The following TLL1 variants were observed in gnomAD, a reference collection of about 807,000 sequenced individuals.
TLL1 encodes tolloid-like protein 1.
TLL1 carries 49 observed loss-of-function variants against 128.2 expected under a neutral mutation model. The ratio of observed to expected loss-of-function variants is 0.38; its 90% CI spans 0.30 to 0.48. The LOEUF (loss-of-function observed/expected upper bound fraction) is 0.48. Among genes scored for constraint, TLL1 ranks in the 20% least tolerant of loss-of-function variants. TLL1 has a pLI of 0.96. For synonymous variants in TLL1, 454 were observed against 418.8 expected, an observed-to-expected ratio of 1.08 and a Z score of -1.03; for missense variants, 1,123 against 1,242.0, an observed-to-expected ratio of 0.90 and a Z score of 1.44.
intron 15 of TLL1, 61 bp downstream of exon 15, chr4:166,060,249 G>T (rs900680739): frequency 3.9e-5 from 58 of 1,500,820 alleles, no homozygotes; most frequent in Non-Finnish European, 5.1e-5. Flanking sequence ...AAGGCAAACT[G>T]TGAAATTAAA....
At chr4:165,976,034 CAAA>C (rs1169297533) in intron 1 of TLL1, among the ~76,000 whole-genome samples, 1,059 of 71,992 alleles carry the variant, frequency 0.015, 6 homozygotes, top group African/African-American at 0.048. Flanking sequence ...GATTCCATCT[CAAA>C]AAAAAAAAAA....
chr4:166,003,559 C>T lies in TLL1; in HGVS notation c.801C>T (p.Asn267=). ...RDNHVTIIRE[N]IQPGQEYNFL... is the part of the protein sequence containing the mutation. ...ACCACGTAACTATCATAAGAGAAAA[C>T]ATCCAGCCAGGTGAGAGGCATAGAA... Residue 267 remains asparagine (N), a synonymous_variant, in exon 6 of 21, where the codon AAC becomes AAT. Coordinates refer to ENST00000061240, the MANE Select transcript of TLL1 (RefSeq NM_012464.5). The T allele has an allele frequency of 6.2e-7, 1 of 1,613,894 alleles. No homozygotes were observed. The highest frequency in any genetic ancestry group is 8.5e-7 in the Non-Finnish European group (1 of 1,179,852).
chr4:165,957,358 A>G (rs980997586), intron 1 of TLL1, among the ~76,000 whole-genome samples: 4 of 152,032 alleles, frequency 2.6e-5, no homozygotes, highest in Non-Finnish European at 5.9e-5. Flanking sequence ...TAAAACAAGC[A>G]CTTCTAGACC....
intron 1 of TLL1, among the ~76,000 whole-genome samples, chr4:165,898,763 C>A (rs2110847270): frequency 6.6e-6 from 1 of 152,286 alleles, no homozygotes; most frequent in Non-Finnish European, 1.5e-5. Flanking sequence ...AGGGAGGAAT[C>A]CCTCCTTTTC....
At chr4:165,993,429 G>C (rs1210887353) in intron 3 of TLL1, among the ~76,000 whole-genome samples, 1 of 151,922 alleles carries the variant, frequency 6.6e-6, no homozygotes, top group African/African-American at 2.4e-5. Context: ...AGATTTTAGA[G>C]GTTTGTTTAA....
chr4:165,909,967 A>G (rs976690370), intron 1 of TLL1, among the ~76,000 whole-genome samples: 2 of 152,186 alleles, frequency 1.3e-5, no homozygotes, highest in Non-Finnish European at 2.9e-5. Context: ...GATATATTTT[A>G]TAAGCAGGAA....
chr4:166,074,812 G>T (rs1201782908), intron 16 of TLL1, 66 bp from the exon 17 acceptor site: 5 of 1,595,500 alleles, frequency 3.1e-6, no homozygotes, highest in Admixed American at 1.7e-5. Flanking sequence ...ACAACTAAAT[G>T]ACTCCCTTTG....
intron 8 of TLL1, among the ~76,000 whole-genome samples, chr4:166,019,906 ACAGT>A (rs1280089304): frequency 1.3e-5 from 2 of 152,182 alleles, no homozygotes; most frequent in Non-Finnish European, 2.9e-5. Flanking sequence ...TAGTTATTAC[ACAGT>A]CAGTGCATAC....
At chr4:165,969,834 A>G (rs1560779953) in intron 1 of TLL1, among the ~76,000 whole-genome samples, 1 of 152,092 alleles carries the variant, frequency 6.6e-6, no homozygotes, top group Non-Finnish European at 1.5e-5. Context: ...TTAAAGTTTA[A>G]CTCGTCCTTT....
chr4:166,098,333 TC>T (rs1560870605), intron 19 of TLL1, among the ~76,000 whole-genome samples: 1 of 10,284 alleles, frequency 9.7e-5, no homozygotes, highest in Admixed American at 9.1e-4. Context: ...AGAGTTCTTC[TC>T]AAAAAAAAAA....
intron 1 of TLL1, among the ~76,000 whole-genome samples, chr4:165,978,199 C>G (rs1048130045): frequency 1.2e-4 from 19 of 152,126 alleles, no homozygotes; most frequent in African/African-American, 4.6e-4. Flanking sequence ...CCAAAAAGCT[C>G]TGATTTTTTT....
rs1385056190 is a variant in TLL1, at chr4:166,102,288, C to G, written c.*1412C>G. 6.6e-6 allele frequency: 1 copy of G among 152,352 alleles called. No homozygotes were observed. Among genetic ancestry groups the G allele is most frequent in the Non-Finnish European group, 1.5e-5 (1 of 67,940 alleles). 9.4% of individuals were successfully genotyped at this position (152,352 alleles called of 1,614,324 possible). A position where few individuals can be genotyped will look rare whatever the true frequency, so the allele number is the denominator to read the frequency against. On this transcript the variant is annotated 3_prime_UTR_variant, in exon 21 of 21. Transcript: ENST00000061240. ...GAAGCATTGGATATAAATATGGTGTCCTGCTTTTTTTGTAGAAAATGTAAT... is the reference window on the plus strand; with the variant it reads ...GAAGCATTGGATATAAATATGGTGTGCTGCTTTTTTTGTAGAAAATGTAAT...
At chr4:166,087,366 T>C (rs977602748) in intron 18 of TLL1, among the ~76,000 whole-genome samples, 3 of 152,322 alleles carry the variant, frequency 2.0e-5, no homozygotes, top group Non-Finnish European at 4.4e-5. Context: ...ATCACAGTTA[T>C]AGAGGACTCA....
At chr4:166,052,990 A>G (rs1294276439) in intron 12 of TLL1, among the ~76,000 whole-genome samples, 1 of 73,892 alleles carries the variant, frequency 1.4e-5, no homozygotes, top group Non-Finnish European at 2.8e-5. Flanking sequence ...TATTTGGCCA[A>G]ATTGGGCTTG....
At chr4:166,027,102 C>A (rs926069535) in intron 9 of TLL1, among the ~76,000 whole-genome samples, 2 of 152,044 alleles carry the variant, frequency 1.3e-5, no homozygotes, top group African/African-American at 4.8e-5. Flanking sequence ...ATAGATGGAG[C>A]TAAAAGGCCA....
chr4:165,918,236 T>G (rs916621396), intron 1 of TLL1, among the ~76,000 whole-genome samples: 2 of 152,174 alleles, frequency 1.3e-5, no homozygotes, highest in African/African-American at 4.8e-5. Context: ...TTTAAAATAA[T>G]GTGATACTTC....
intron 1 of TLL1, chr4:165,919,945 T>C: frequency 2.4e-6 from 1 of 416,898 alleles, no homozygotes; most frequent in South Asian, 1.7e-5. Flanking sequence ...TCAATGTAAG[T>C]GACTTCCTAA....
At chr4:165,984,987 G>C (rs1736335699) in intron 1 of TLL1, among the ~76,000 whole-genome samples, 2 of 151,912 alleles carry the variant, frequency 1.3e-5, no homozygotes, top group South Asian at 4.1e-4. Context: ...GGACTCTTTT[G>C]TTATACACAA....
intron 2 of TLL1, among the ~76,000 whole-genome samples, chr4:165,990,923 G>A (rs1248230497): frequency 1.3e-5 from 2 of 151,906 alleles, no homozygotes; most frequent in Non-Finnish European, 2.9e-5. Flanking sequence ...CACAGATAGC[G>A]TATCCCTCTA....
Sources: allele counts gnomAD v4.1 joint callset (sites outside exome capture counted in the v4.1 genomes callset), GRCh38; gene constraint gnomAD v4.1.1; transcripts MANE v1.5; gene names NCBI Gene and HGNC (gene_info 2026-07-23, HGNC 2026-07-21).